Variants in ENOX1 observed in about 807,000 individuals in gnomAD.
The protein encoded by ENOX1 is candidate growth-related and time keeping constitutive hydroquinone (NADH) oxidase.
ENOX1 carries 42 observed loss-of-function variants against 82.5 expected under a neutral mutation model. The ratio of observed to expected loss-of-function variants is 0.51; its 90% CI spans 0.40 to 0.66. ENOX1 has a LOEUF of 0.66. Ranked by LOEUF, ENOX1 falls within the 30% of genes least tolerant of loss-of-function variation. The pLI is 0.00. For synonymous variants in ENOX1, 271 were observed against 282.2 expected, an observed-to-expected ratio of 0.96 and a Z score of 0.40; for missense variants, 608 against 811.6, an observed-to-expected ratio of 0.75 and a Z score of 3.05.
chr13:43,666,772 C>T (rs1049408955), intron 2 of ENOX1, among the ~76,000 whole-genome samples: 2 of 152,176 alleles, frequency 1.3e-5, no homozygotes, highest in South Asian at 2.1e-4. Context: ...CCATGGTCAT[C>T]AGAACTCCTA....
chr13:43,493,219 T>C (rs931593650), intron 2 of ENOX1, among the ~76,000 whole-genome samples: 3 of 151,914 alleles, frequency 2.0e-5, no homozygotes, highest in Non-Finnish European at 4.4e-5. Flanking sequence ...ATAGAACTGA[T>C]AGGACCTATA....
intron 1 of ENOX1, among the ~76,000 whole-genome samples, chr13:43,764,314 T>C (rs1372027087): frequency 6.6e-6 from 1 of 152,214 alleles, no homozygotes; most frequent in Non-Finnish European, 1.5e-5. Flanking sequence ...CTTAAGATGT[T>C]TGTGAAAGAA....
chr13:43,241,696 T>C (rs906757147), intron 14 of ENOX1, among the ~76,000 whole-genome samples: 1 of 152,190 alleles, frequency 6.6e-6, no homozygotes, highest in African/African-American at 2.4e-5. Context: ...GAAGGAATCA[T>C]TAAAGGGCTG....
At chr13:43,668,475 A>T (rs1289192469) in intron 1 of ENOX1, among the ~76,000 whole-genome samples, 1 of 152,220 alleles carries the variant, frequency 6.6e-6, no homozygotes, top group African/African-American at 2.4e-5. Flanking sequence ...AACACCTTAC[A>T]TCTGGCTAAA....
At chr13:43,572,895 T>G (rs1011166254) in intron 2 of ENOX1, among the ~76,000 whole-genome samples, 4 of 152,216 alleles carry the variant, frequency 2.6e-5, no homozygotes, top group Admixed American at 2.6e-4. Context: ...AAAAATCACC[T>G]CTTGCATAAG....
chr13:43,489,900 T>TTGGAA (rs2076561595), intron 2 of ENOX1, among the ~76,000 whole-genome samples: 1 of 152,212 alleles, frequency 6.6e-6, no homozygotes, highest in African/African-American at 2.4e-5. Flanking sequence ...TTTCTCCCTT[T>TTGGAA]TGGAATGGAA....
chr13:43,273,414 CT>C (rs2044810145), intron 12 of ENOX1, among the ~76,000 whole-genome samples: 1 of 152,156 alleles, frequency 6.6e-6, no homozygotes, highest in African/African-American at 2.4e-5. Flanking sequence ...TCTCTAACCC[CT>C]ATAGATAAAA....
chr13:43,372,992 G>A lies in ENOX1; in HGVS notation c.209-11540C>T, dbSNP rs564794945. 9.2e-5 allele frequency among the ~76,000 whole-genome samples: 14 copies of A among 152,126 alleles called. No individual in the cohort carries two copies. The South Asian group carries it at 2.9e-3, about 32-fold the overall frequency. ...ATTTACCCTGACAGCATTGTTCTGAGGATTAGTGTTACGAATTAAAATATG... is the reference window on the plus strand; with the variant it reads ...ATTTACCCTGACAGCATTGTTCTGAAGATTAGTGTTACGAATTAAAATATG... On this transcript the variant is annotated intron_variant, in intron 5 of 16. Coordinates refer to ENST00000690772, the MANE Select transcript of ENOX1 (RefSeq NM_001347969.2).
chr13:43,558,470 C>T (rs2079535578), intron 2 of ENOX1, among the ~76,000 whole-genome samples: 1 of 152,180 alleles, frequency 6.6e-6, no homozygotes, highest in Admixed American at 6.5e-5. Flanking sequence ...TCCAGCAGAA[C>T]ACTCTGAAGG....
intron 14 of ENOX1, among the ~76,000 whole-genome samples, chr13:43,257,246 G>A (rs1363675595): frequency 6.6e-6 from 1 of 152,102 alleles, no homozygotes; most frequent in East Asian, 1.9e-4. Context: ...GTTGACAAGA[G>A]TTAACAGTAA....
rs182165878 is a variant in ENOX1, at chr13:43,569,218, C to T, written c.-218-85066G>A. Among the ~76,000 whole-genome samples, 10 of 152,246 alleles carry T rather than the reference C, an allele frequency of 6.6e-5. No homozygotes were observed. In the East Asian group the frequency reaches 1.7e-3, roughly 26 times the overall value. On this transcript the variant is annotated intron_variant, in intron 2 of 16. Transcript: ENST00000690772. ...TAAAAATGACCTTTCTAAATTGGAT[C>T]ATGGTTGCTTTTTCCATCCCTGGTT... is the stretch of plus-strand genomic sequence containing the variant.
At chr13:43,422,628 G>C (rs914647558) in intron 3 of ENOX1, among the ~76,000 whole-genome samples, 3 of 152,120 alleles carry the variant, frequency 2.0e-5, no homozygotes, top group African/African-American at 4.8e-5. Context: ...TATATTGAGA[G>C]AAAGAGACAG....
At chr13:43,309,490 G>A (rs78122994) in intron 11 of ENOX1, among the ~76,000 whole-genome samples, 2,577 of 152,208 alleles carry the variant, frequency 0.017, 55 homozygotes, top group African/African-American at 0.058. Context: ...GCTTAGTAAG[G>A]CCCGACAGTG....
chr13:43,458,551 T>A (rs1293834605), intron 3 of ENOX1: 1 of 152,116 alleles, frequency 6.6e-6, no homozygotes, highest in Non-Finnish European at 1.5e-5. Context: ...ATTGAGAAAA[T>A]CATTATATTG....
chr13:43,454,040 G>C (rs7320887), intron 3 of ENOX1, among the ~76,000 whole-genome samples: 63,019 of 151,918 alleles, frequency 0.41, 13,846 homozygotes, highest in Non-Finnish European at 0.5. Context: ...TTCCTCTCTT[G>C]TTTTTGCTTT....
At chr13:43,779,645 A>G (rs771765938) in intron 1 of ENOX1, among the ~76,000 whole-genome samples, 12 of 152,316 alleles carry the variant, frequency 7.9e-5, no homozygotes, top group Non-Finnish European at 1.2e-4. Flanking sequence ...TGACAAACAC[A>G]TCATGGGATT....
At chr13:43,740,264 C>T (rs969868339) in intron 1 of ENOX1, among the ~76,000 whole-genome samples, 18 of 152,184 alleles carry the variant, frequency 1.2e-4, no homozygotes, top group African/African-American at 4.3e-4. Flanking sequence ...CACCAGGAAC[C>T]ACTGGAAGGA....
intron 5 of ENOX1, among the ~76,000 whole-genome samples, chr13:43,378,250 G>A (rs2051781508): frequency 6.6e-6 from 1 of 152,242 alleles, no homozygotes; most frequent in Admixed American, 6.5e-5. Context: ...ACAGCACAGG[G>A]AAGAGGAACT....
intron 1 of ENOX1, among the ~76,000 whole-genome samples, chr13:43,716,416 G>C (rs578145266): frequency 1.3e-5 from 2 of 152,152 alleles, no homozygotes; most frequent in Non-Finnish European, 2.9e-5. Flanking sequence ...CTTCTGCGTC[G>C]CTCATGCTGG....
Sources: gnomAD v4.1 joint callset for allele counts (sites outside exome capture counted in the v4.1 genomes callset) on GRCh38, gnomAD v4.1.1 for gene constraint, MANE v1.5 for transcripts, NCBI Gene and HGNC (gene_info 2026-07-23, HGNC 2026-07-21) for gene names.